ERP44: variants seen among roughly 807,000 people sequenced by gnomAD.
The protein encoded by ERP44 is endoplasmic reticulum protein 44, also known as endoplasmic reticulum resident protein 44.
A neutral mutation model predicts 53.4 loss-of-function variants in ERP44; 25 were observed. The ratio of observed to expected loss-of-function variants is 0.47; its 90% CI spans 0.34 to 0.65. ERP44 has a LOEUF of 0.65. Among genes scored for constraint, ERP44 ranks in the 30% least tolerant of loss-of-function variants. ERP44 has a pLI of 0.01. For missense variants in ERP44, 338 were observed against 493.2 expected, an observed-to-expected ratio of 0.69 and a Z score of 2.98; for synonymous variants, 145 against 161.2, an observed-to-expected ratio of 0.90 and a Z score of 0.76.
chr9:100,046,933 T>C (rs1026537949), intron 4 of ERP44, among the ~76,000 whole-genome samples: 3 of 152,124 alleles, frequency 2.0e-5, no homozygotes, highest in Non-Finnish European at 2.9e-5. Context: ...ATCAACAGTA[T>C]AGAAGAGACA....
At chr9:100,050,490 C>T (rs1826025256) in intron 4 of ERP44, among the ~76,000 whole-genome samples, 1 of 152,026 alleles carries the variant, frequency 6.6e-6, no homozygotes, top group African/African-American at 2.4e-5. Context: ...CTTTAGAACA[C>T]AGAATTCTTA....
At chr9:100,020,931 TAAATAC>T (rs1830582338) in intron 5 of ERP44, among the ~76,000 whole-genome samples, 200 bp from the exon 6 acceptor site, 1 of 152,206 alleles carries the variant, frequency 6.6e-6, no homozygotes. Flanking sequence ...TTAACTATAA[TAAATAC>T]AATCATAAAC....
chr9:100,016,079 T>C (rs956824285), intron 8 of ERP44, among the ~76,000 whole-genome samples: 2 of 152,146 alleles, frequency 1.3e-5, no homozygotes, highest in African/African-American at 2.4e-5. Flanking sequence ...TGAAAGGCAT[T>C]TTCAAACTCA....
At chr9:100,067,731 CAT>C (rs931668949) in intron 1 of ERP44, among the ~76,000 whole-genome samples, 5 of 152,000 alleles carry the variant, frequency 3.3e-5, no homozygotes, top group African/African-American at 1.2e-4. Context: ...GCCGCCATCC[CAT>C]CTAGGAAGTG....
At chr9:100,023,648 T>C (rs940901759) in intron 4 of ERP44, among the ~76,000 whole-genome samples, 1 of 152,050 alleles carries the variant, frequency 6.6e-6, no homozygotes, top group Non-Finnish European at 1.5e-5. Context: ...GGTCTCACTA[T>C]GTTGCCCAGG....
At chr9:100,014,331 G>C (rs1407655337) in intron 8 of ERP44, among the ~76,000 whole-genome samples, 2 of 152,106 alleles carry the variant, frequency 1.3e-5, no homozygotes, top group Admixed American at 1.3e-4. Context: ...TGTCGCCCAG[G>C]CTGGAGTGCA....
intron 1 of ERP44, among the ~76,000 whole-genome samples, chr9:100,065,296 AG>A (rs1826197758): frequency 6.6e-6 from 1 of 152,226 alleles, no homozygotes; most frequent in African/African-American, 2.4e-5. Context: ...TAAGAGTAAT[AG>A]GCTATTCCAT....
At chr9:100,055,431 C>T (rs946544850) in intron 3 of ERP44, among the ~76,000 whole-genome samples, 6 of 152,172 alleles carry the variant, frequency 3.9e-5, no homozygotes, top group Non-Finnish European at 7.3e-5. Context: ...GGAGTGCAAC[C>T]GTGTGATCTC....
At chr9:100,077,061 C>G (rs909895294) in intron 1 of ERP44, among the ~76,000 whole-genome samples, 1 of 152,172 alleles carries the variant, frequency 6.6e-6, no homozygotes, top group African/African-American at 2.4e-5. Flanking sequence ...AGCCAGCTAC[C>G]TGGTGGCAGG....
intron 1 of ERP44, among the ~76,000 whole-genome samples, chr9:100,060,601 G>C (rs1826135452): frequency 6.6e-6 from 1 of 152,154 alleles, no homozygotes; most frequent in African/African-American, 2.4e-5. Context: ...AATGAAGAAT[G>C]CAAGAAAGAC....
At chr9:100,090,805 C>T (rs576928683) in intron 1 of ERP44, among the ~76,000 whole-genome samples, 11 of 151,856 alleles carry the variant, frequency 7.2e-5, no homozygotes, top group African/African-American at 1.7e-4. Context: ...AATATGAGTG[C>T]GTACTGTCTA....
chr9:100,049,601 G>A (rs968282635), intron 4 of ERP44, among the ~76,000 whole-genome samples: 1 of 152,080 alleles, frequency 6.6e-6, no homozygotes, highest in Middle Eastern at 3.2e-3. Context: ...AAATTAAATA[G>A]ACTATCCACT....
chr9:99,986,389 G>A (rs993758671), intron 10 of ERP44, among the ~76,000 whole-genome samples: 4 of 151,810 alleles, frequency 2.6e-5, no homozygotes, highest in African/African-American at 9.7e-5. Flanking sequence ...CTGCTCATAC[G>A]AATTGTCTGC....
chr9:100,003,898 A>G (rs1830403095), intron 10 of ERP44, among the ~76,000 whole-genome samples: 1 of 152,112 alleles, frequency 6.6e-6, no homozygotes, highest in African/African-American at 2.4e-5. Flanking sequence ...CTGGCCTAGA[A>G]CCAGGGCCTA....
chr9:99,998,514 G>A (rs1487988832), intron 10 of ERP44: 8 of 716,944 alleles, frequency 1.1e-5, no homozygotes, highest in African/African-American at 1.7e-5. Flanking sequence ...CCGCTGTCCC[G>A]GCTCCCCCAT....
At chr9:99,993,243 G>A (rs563484261) in intron 10 of ERP44, among the ~76,000 whole-genome samples, 7 of 152,220 alleles carry the variant, frequency 4.6e-5, no homozygotes, top group East Asian at 3.9e-4. Context: ...GAGGCATCAC[G>A]CTACCTGACT....
At chr9:100,019,544 A>C (rs1830563296) in intron 6 of ERP44, among the ~76,000 whole-genome samples, 1 of 152,204 alleles carries the variant, frequency 6.6e-6, no homozygotes, top group Admixed American at 6.5e-5. Context: ...CCTAATAGTC[A>C]TGAGCCAATG....
At chr9:99,983,477 G>T (rs1212133241) in intron 11 of ERP44, among the ~76,000 whole-genome samples, 1 of 150,318 alleles carries the variant, frequency 6.7e-6, no homozygotes, top group Non-Finnish European at 1.5e-5. Flanking sequence ...CCCGGGAAGC[G>T]GAGCTTGCAG....
chr9:100,098,075 G>A (rs1030353860), intron 1 of ERP44, among the ~76,000 whole-genome samples: 4 of 152,180 alleles, frequency 2.6e-5, no homozygotes, highest in Non-Finnish European at 4.4e-5. Flanking sequence ...GAGGGACTAG[G>A]GAAAGATTCT....
Sources: allele counts gnomAD v4.1 joint callset (sites outside exome capture counted in the v4.1 genomes callset), GRCh38; gene constraint gnomAD v4.1.1; transcripts MANE v1.5; gene names NCBI Gene and HGNC (gene_info 2026-07-23, HGNC 2026-07-21).